Variants in CCDC146 observed in about 807,000 individuals in gnomAD.
CCDC146 encodes the protein coiled-coil domain containing 146.
A neutral mutation model predicts 119.3 loss-of-function variants in CCDC146; 92 were observed. The observed-to-expected ratio is 0.77, with a 90% CI of 0.65 to 0.92. CCDC146 has a LOEUF of 0.92. Ranked by LOEUF, CCDC146 falls within the 40% of genes least tolerant of loss-of-function variation. The probability of loss-of-function intolerance (pLI) is 0.00; values close to 1 mark genes in which losing one functional copy is unlikely to be tolerated. For synonymous variants in CCDC146, 372 were observed against 371.8 expected (o/e 1.00, Z -0.01); for missense variants, 1,000 against 1,103.0 (o/e 0.91, Z 1.32).
chr7:77,278,435 ATTTTTTTTTTTT>A (rs140968354), intron 11 of CCDC146, among the ~76,000 whole-genome samples: 21 of 103,330 alleles, frequency 2.0e-4, no homozygotes, highest in Non-Finnish European at 2.2e-4. Flanking sequence ...CCAAGAAATA[ATTTTTTTTTTTT>A]TTTTTTTTTT....
At chr7:77,276,743 G>A (rs1404916634) in intron 11 of CCDC146, among the ~76,000 whole-genome samples, 1 of 152,162 alleles carries the variant, frequency 6.6e-6, no homozygotes, top group Non-Finnish European at 1.5e-5. Flanking sequence ...AGATGCAGGA[G>A]CAGGACAAGG....
intron 3 of CCDC146, among the ~76,000 whole-genome samples, chr7:77,238,323 C>G (rs1319220452): frequency 6.6e-6 from 1 of 152,216 alleles, no homozygotes; most frequent in East Asian, 1.9e-4. Flanking sequence ...ATACTTCACA[C>G]TGCTTAACTG....
Position 77,196,638 on chromosome 7 carries a change from C to T in CCDC146, c.156+28814C>T, listed in dbSNP as rs1791875888. ...CGATATTTGAGAAACTCATTAGCCACATAAAACTGATCATACAAGGCATAT... is the reference window on the plus strand; with the variant it reads ...CGATATTTGAGAAACTCATTAGCCATATAAAACTGATCATACAAGGCATAT... On this transcript the variant is annotated intron_variant, in intron 2 of 18. Coordinates refer to ENST00000285871, the MANE Select transcript of CCDC146 (RefSeq NM_020879.3). The surrounding 1 kb of genome is among the most constrained non-coding windows in gnomAD (Gnocchi z 4.2). 6.2e-7 allele frequency: 1 copy of T among 1,614,128 alleles called. No homozygotes were observed. Among genetic ancestry groups the T allele is most frequent in the Non-Finnish European group, 8.5e-7 (1 of 1,179,942 alleles).
At chr7:77,162,573 T>C (rs1264538211) in intron 1 of CCDC146, among the ~76,000 whole-genome samples, 1 of 152,024 alleles carries the variant, frequency 6.6e-6, no homozygotes, top group African/African-American at 2.4e-5. Context: ...GAACATGTGA[T>C]TTTTTCTAGC....
In CCDC146 at chr7:77,196,247, T is replaced by C. The variant is rs373117921; in HGVS notation, c.156+28423T>C. On this transcript the variant is annotated intron_variant, in intron 2 of 18. Transcript: ENST00000285871. The surrounding 1 kb of genome is among the most constrained non-coding windows in gnomAD (Gnocchi z 4.2). ...TGAAGGAATTAATTGCCCTATTAGATAACGAATACCTGGAGGAATGAACAG... is the reference window on the plus strand; with the variant it reads ...TGAAGGAATTAATTGCCCTATTAGACAACGAATACCTGGAGGAATGAACAG... 29 of 1,511,258 alleles carry C rather than the reference T, an allele frequency of 1.9e-5. No homozygotes were observed. The African/African-American group carries it at 3.7e-4, about 19-fold the overall frequency. The allele number at this position is 1,511,258 out of a possible 1,614,324, so 93.6% of individuals were successfully genotyped here.
chr7:77,152,388 T>G (rs1791120020), intron 1 of CCDC146, among the ~76,000 whole-genome samples: 1 of 152,024 alleles, frequency 6.6e-6, no homozygotes, highest in African/African-American at 2.4e-5. Flanking sequence ...AAGACTAAAG[T>G]GGAGATCTGC....
intron 1 of CCDC146, among the ~76,000 whole-genome samples, chr7:77,131,499 C>CT (rs1244176933): frequency 2.0e-5 from 3 of 152,028 alleles, no homozygotes; most frequent in African/African-American, 7.3e-5. Flanking sequence ...GGGCTGATTA[C>CT]TTGAGGTCAG....
chr7:77,289,058 G>T (rs1793898062), intron 17 of CCDC146, among the ~76,000 whole-genome samples: 1 of 140,108 alleles, frequency 7.1e-6, no homozygotes, highest in Non-Finnish European at 1.6e-5. Flanking sequence ...ATCACAACTT[G>T]GCCTCCCAAA....
chr7:77,264,665 T>C (rs1793367164), intron 9 of CCDC146, among the ~76,000 whole-genome samples: 1 of 152,266 alleles, frequency 6.6e-6, no homozygotes, highest in South Asian at 2.1e-4. Flanking sequence ...TAAATTCTTG[T>C]ATTTAGTCTA....
intron 1 of CCDC146, among the ~76,000 whole-genome samples, chr7:77,133,843 A>ACACACACT (rs1321982437): frequency 6.6e-6 from 1 of 151,574 alleles, no homozygotes; most frequent in Non-Finnish European, 1.5e-5. Context: ...ACACACACAC[A>ACACACACT]CACACACACA....
At chr7:77,206,584 G>A (rs1263784384) in intron 2 of CCDC146, among the ~76,000 whole-genome samples, 2 of 151,468 alleles carry the variant, frequency 1.3e-5, no homozygotes, top group Non-Finnish European at 2.9e-5. Flanking sequence ...AGTGAGCTGA[G>A]ATTGCACCAC....
At chr7:77,167,102 A>G (rs1408615780) in intron 1 of CCDC146, among the ~76,000 whole-genome samples, 1 of 152,216 alleles carries the variant, frequency 6.6e-6, no homozygotes, top group Non-Finnish European at 1.5e-5. Flanking sequence ...TTTAGCACAC[A>G]TTCTAAGTAT....
intron 2 of CCDC146, among the ~76,000 whole-genome samples, chr7:77,203,519 G>A (rs1466996319): frequency 6.6e-6 from 1 of 152,126 alleles, no homozygotes; most frequent in Non-Finnish European, 1.5e-5. Context: ...GAGTACAGGA[G>A]CGTCATGAAT....
At chr7:77,126,789 T>C (rs1296669208) in intron 1 of CCDC146, among the ~76,000 whole-genome samples, 1 of 152,056 alleles carries the variant, frequency 6.6e-6, no homozygotes, top group African/African-American at 2.4e-5. Flanking sequence ...GGGGAGGAAG[T>C]GCATGCTGAT....
intron 2 of CCDC146, among the ~76,000 whole-genome samples, chr7:77,233,107 T>TTA (rs35163611): frequency 1.3e-5 from 2 of 151,204 alleles, no homozygotes; most frequent in South Asian, 2.1e-4. Flanking sequence ...TTTTTTTTTT[T>TTA]AGACGGAATC....
intron 15 of CCDC146, among the ~76,000 whole-genome samples, chr7:77,285,196 C>T (rs1235003635): frequency 6.6e-6 from 1 of 152,034 alleles, no homozygotes; most frequent in Non-Finnish European, 1.5e-5. Context: ...TTTACATAGA[C>T]AGAGTAAACA....
rs1793264682 is a variant in CCDC146, at chr7:77,260,110, A to G, written c.860A>G (p.Lys287Arg). Residue 287 changes from lysine (K) to arginine (R), a missense_variant, in exon 8 of 19, where the codon AAG (lysine) becomes AGG (arginine). Transcript: ENST00000285871. ...AAGGTTAGTGCTATAGTGGATGAGA[A>G]GGAAAATGTAATAAAGGAAGTTGAA... ...ENKVSAIVDE[K>R]ENVIKEVEGK... is the part of the protein sequence containing the mutation. 3.1e-6 allele frequency: 5 copies of G among 1,613,990 alleles called. No individual in the cohort carries two copies. The highest frequency in any genetic ancestry group is 4.2e-6 in the Non-Finnish European group (5 of 1,180,018).
intron 2 of CCDC146, among the ~76,000 whole-genome samples, chr7:77,216,180 T>C (rs1562835935): frequency 6.6e-6 from 1 of 152,092 alleles, no homozygotes; most frequent in Non-Finnish European, 1.5e-5. Context: ...TGTCCCCTCT[T>C]TTTTGTAATT....
At chr7:77,249,598 C>T (rs1394738227) in intron 4 of CCDC146, among the ~76,000 whole-genome samples, 4 of 95,812 alleles carry the variant, frequency 4.2e-5, no homozygotes, top group Non-Finnish European at 5.9e-5. Flanking sequence ...CTCTGAAGTT[C>T]GTTCTGTCTG....
Sources: allele counts gnomAD v4.1 joint callset (sites outside exome capture counted in the v4.1 genomes callset), GRCh38; gene constraint gnomAD v4.1.1; non-coding constraint Gnocchi (gnomAD v3.1); transcripts MANE v1.5; gene names NCBI Gene and HGNC (gene_info 2026-07-23, HGNC 2026-07-21).